PCDHGB5: variants seen among roughly 807,000 people sequenced by gnomAD.
PCDHGB5 encodes the protein protocadherin gamma-B5.
In PCDHGB5, 48 loss-of-function variants were observed where a neutral mutation model predicts 62.9. The observed-to-expected ratio is 0.76, with a 90% CI of 0.61 to 0.97. The LOEUF is 0.97. Among genes scored for constraint, PCDHGB5 ranks in the 50% least tolerant of loss-of-function variants. The pLI, the probability that PCDHGB5 is intolerant of heterozygous loss-of-function variation, is 0.00. For synonymous variants in PCDHGB5, 474 were observed against 511.2 expected, an observed-to-expected ratio of 0.93 and a Z score of 0.98; for missense variants, 1,118 against 1,198.6, an observed-to-expected ratio of 0.93 and a Z score of 0.99.
At position 141,399,193 on chromosome 5, in the gene PCDHGB5, G is replaced by A. The variant is rs138699584; in HGVS notation, c.1066G>A (p.Ala356Thr). ...HSLLEMILEN[A>T]VPGTLIALIK... ...TCTACTTGAAATGATTCTGGAAAAC[G>A]CGGTGCCTGGAACACTAATTGCTTT... is the stretch of plus-strand genomic sequence containing the variant. The change falls in exon 1 of 4, where the codon GCG becomes ACG. Residue 356 changes from alanine to threonine, a missense_variant. Ala to Thr is a moderately conservative substitution (Grantham distance 58). This residue lies in a region of PCDHGB5 where 1,034 missense variants were observed against 1,029.1 expected (regional missense o/e 1.00). Transcript: ENST00000617380. The A allele has an allele frequency of 4.9e-3, 7,970 of 1,613,820 alleles. 45 individuals are homozygous for A. Among genetic ancestry groups the A allele is most frequent in the Admixed American group, 9.4e-3 (567 of 60,008 alleles).
In PCDHGB5 at chr5:141,491,778, C is replaced by T. The variant is rs568710854; in HGVS notation, c.2398-3029C>T. 3.1e-4 allele frequency: 482 copies of T among 1,547,678 alleles called. No homozygotes were observed. The highest frequency in any genetic ancestry group is 2.2e-3 in the Middle Eastern group (13 of 5,890). On this transcript the variant is annotated intron_variant, in intron 1 of 3. Transcript: ENST00000617380. This position sits in a 1 kb window ranked among gnomAD's most constrained non-coding sequence, Gnocchi z 6.9. Reference sequence around the variant, plus strand: ...CCGCCCGTCCTCATAAGGGATTGAACTTGCATCCACTCCTCTCCGGCCGGC... The same window carrying T: ...CCGCCCGTCCTCATAAGGGATTGAATTTGCATCCACTCCTCTCCGGCCGGC...
chr5:141,451,116 CCA>C (rs1257364243), intron 1 of PCDHGB5, among the ~76,000 whole-genome samples: 1 of 152,200 alleles, frequency 6.6e-6, no homozygotes, highest in Non-Finnish European at 1.5e-5. Context: ...GCGTGAGCCA[CCA>C]CACCCAGCCT....
Position 141,489,434 on chromosome 5 carries a change from A to G in PCDHGB5, c.2398-5373A>G. On this transcript the variant is annotated intron_variant, in intron 1 of 3. Transcript: ENST00000617380. This position sits in a 1 kb window ranked among gnomAD's most constrained non-coding sequence, Gnocchi z 4.5. ...ACAGATCTGTTGAGCCGGCGGCTGC[A>G]ATTGGGCTCTGAGGAGAATGGGCGC... 6.2e-7 allele frequency: 1 copy of G among 1,614,138 alleles called. No individual in the cohort carries two copies. The highest frequency in any genetic ancestry group is 8.5e-7 in the Non-Finnish European group (1 of 1,180,044).
At chr5:141,454,666 A>G (rs1561955978) in intron 1 of PCDHGB5, among the ~76,000 whole-genome samples, 1 of 152,104 alleles carries the variant, frequency 6.6e-6, no homozygotes, top group Non-Finnish European at 1.5e-5. Context: ...TCGGCCTCCC[A>G]AAACACTGGG....
At chr5:141,408,714 A>G (rs771519650) in intron 1 of PCDHGB5, 8 of 1,612,346 alleles carry the variant, frequency 5.0e-6, no homozygotes, top group Non-Finnish European at 6.8e-6. Context: ...AAAGATTATA[A>G]GATAAACTCT....
intron 1 of PCDHGB5, chr5:141,479,743 T>C (rs2154578017): frequency 6.6e-6 from 1 of 152,356 alleles, no homozygotes; most frequent in African/African-American, 2.4e-5. Flanking sequence ...ATATGCACAA[T>C]GTGAAAGGTA....
intron 1 of PCDHGB5, chr5:141,424,304 C>T (rs909355692): frequency 2.0e-5 from 3 of 152,464 alleles, no homozygotes; most frequent in Admixed American, 2.0e-4. Flanking sequence ...CCTATCAACA[C>T]AGACATATTG....
chr5:141,419,443 C>T (rs1476796525), intron 1 of PCDHGB5: 2 of 1,613,080 alleles, frequency 1.2e-6, no homozygotes, highest in South Asian at 2.2e-5. Flanking sequence ...TGCGCACCTT[C>T]GAGCTCACGC....
chr5:141,424,169 A>G (rs542346399), intron 1 of PCDHGB5: 20 of 225,850 alleles, frequency 8.9e-5, no homozygotes, highest in Middle Eastern at 2.3e-3. Context: ...TCATCTATCT[A>G]TCTATACACA....
At chr5:141,449,266 G>T (rs1398403120) in intron 1 of PCDHGB5, among the ~76,000 whole-genome samples, 1 of 152,042 alleles carries the variant, frequency 6.6e-6, no homozygotes, top group Non-Finnish European at 1.5e-5. Context: ...ACAAAGAACT[G>T]TATCTCCTTC....
At chr5:141,419,775 G>C in intron 1 of PCDHGB5, 1 of 1,614,016 alleles carries the variant, frequency 6.2e-7, no homozygotes, top group Non-Finnish European at 8.5e-7. Flanking sequence ...GACTCGGTCC[G>C]CCAGCGCCTG....
At chr5:141,509,481 A>G (rs2099877035) in intron 3 of PCDHGB5, among the ~76,000 whole-genome samples, 1 of 152,010 alleles carries the variant, frequency 6.6e-6, no homozygotes, top group Admixed American at 6.6e-5. Flanking sequence ...TGAGGGGTAG[A>G]GGTGATGGCA....
intron 1 of PCDHGB5, chr5:141,441,910 G>A: frequency 2.9e-6 from 1 of 349,440 alleles, no homozygotes; most frequent in Non-Finnish European, 5.5e-6. Flanking sequence ...AGACGCAGAT[G>A]TGAGACACAA....
At position 141,400,112 on chromosome 5, in the gene PCDHGB5, A is replaced by G; in HGVS notation, c.1985A>G (p.Asp662Gly). Reference protein sequence around the residue: ...ATATLHLVFADSLQEVLPDIT... With the variant: ...ATATLHLVFAGSLQEVLPDIT... The stretch of plus-strand genomic sequence containing the variant: ...GCCACGCTGCACTTGGTCTTTGCTG[A>G]CAGCTTGCAGGAGGTGCTGCCGGAT... Residue 662 changes from aspartate (D) to glycine (G), a missense_variant, in exon 1 of 4, where the codon GAC (aspartate) becomes GGC (glycine). Coordinates refer to ENST00000617380, the MANE Select transcript of PCDHGB5 (RefSeq NM_018925.3). 6.2e-7 allele frequency: 1 copy of G among 1,614,034 alleles called. No individual in the cohort carries two copies.
intron 2 of PCDHGB5, 22 bp from the exon 3 acceptor site, chr5:141,505,371 C>G: frequency 1.2e-6 from 2 of 1,613,980 alleles, no homozygotes; most frequent in Non-Finnish European, 1.7e-6. Context: ...AGTCTGTGCT[C>G]ACCATCCTAC....
Position 141,431,248 on chromosome 5 carries a change from G to A in PCDHGB5, c.2397+30724G>A. ...CCCACGCCTGGGATCCGGATATCGGGAAGAACTCTCTGCAGAGCTACGAGC... is the reference window on the plus strand; with the variant it reads ...CCCACGCCTGGGATCCGGATATCGGAAAGAACTCTCTGCAGAGCTACGAGC... On this transcript the variant is annotated intron_variant, in intron 1 of 3. Transcript: ENST00000617380. This position sits in a 1 kb window ranked among gnomAD's most constrained non-coding sequence, Gnocchi z 4.8. 2 of 1,614,140 alleles carry A rather than the reference G, an allele frequency of 1.2e-6. No homozygotes were observed. Among genetic ancestry groups the A allele is most frequent in the Non-Finnish European group, 1.7e-6 (2 of 1,180,048 alleles).
intron 1 of PCDHGB5, among the ~76,000 whole-genome samples, chr5:141,444,029 A>T (rs977610555): frequency 2.6e-5 from 4 of 152,164 alleles, no homozygotes; most frequent in African/African-American, 9.7e-5. Flanking sequence ...AAAGGAATTC[A>T]GTAAATCAGA....
chr5:141,410,201 A>G, intron 1 of PCDHGB5: 3 of 1,613,988 alleles, frequency 1.9e-6, no homozygotes, highest in Non-Finnish European at 2.5e-6. Context: ...CTTCGCAGAC[A>G]ACTTGCAAGA....
intron 1 of PCDHGB5, among the ~76,000 whole-genome samples, chr5:141,466,121 CA>C (rs908379481): frequency 4.8e-5 from 7 of 146,852 alleles, no homozygotes; most frequent in Non-Finnish European, 6.0e-5. Context: ...GACTCCAGCT[CA>C]AAAAAAAAAT....
Sources: allele counts gnomAD v4.1 joint callset (sites outside exome capture counted in the v4.1 genomes callset), GRCh38; gene constraint gnomAD v4.1.1; regional missense constraint gnomAD v4.1.1; non-coding constraint Gnocchi (gnomAD v3.1); transcripts MANE v1.5; gene names NCBI Gene and HGNC (gene_info 2026-07-23, HGNC 2026-07-21).